Variants in DCLK2 observed in about 807,000 individuals in gnomAD.
DCLK2 encodes doublecortin like kinase 2, also known as serine/threonine-protein kinase DCLK2.
DCLK2 carries 31 observed loss-of-function variants against 78.4 expected under a neutral mutation model. The observed-to-expected ratio is 0.40, with a 90% CI of 0.30 to 0.53. DCLK2 has a LOEUF of 0.53. DCLK2 is among the 20% of genes least tolerant of loss of function. The pLI is 0.61. For synonymous variants in DCLK2, 407 were observed against 374.9 expected, an observed-to-expected ratio of 1.09 and a Z score of -0.99; for missense variants, 872 against 973.7, an observed-to-expected ratio of 0.90 and a Z score of 1.39.
At position 150,102,514 on chromosome 4, in the gene DCLK2, G is replaced by A. The variant is rs766290066; in HGVS notation, c.458G>A (p.Arg153His). The A allele has an allele frequency of 1.1e-5, 17 of 1,613,828 alleles. No individual in the cohort carries two copies. The highest frequency in any genetic ancestry group is 2.7e-5 in the African/African-American group (2 of 74,894). The change falls in exon 2 of 16, where the codon CGT (arginine) becomes CAT (histidine). Residue 153 changes from arginine to histidine, a missense_variant. Coordinates refer to ENST00000296550, the MANE Select transcript of DCLK2 (RefSeq NM_001040260.4). ...GTGTGTGCATCCAATGAACCATTTCGTAAAGTCGATTACACCAAAAATATT... is the reference window on the plus strand; with the variant it reads ...GTGTGTGCATCCAATGAACCATTTCATAAAGTCGATTACACCAAAAATATT... The part of the protein sequence containing the change: ...SYVCASNEPF[R>H]KVDYTKNINP...
intron 8 of DCLK2, among the ~76,000 whole-genome samples, chr4:150,231,405 G>T (rs1265582477): frequency 6.6e-6 from 1 of 152,204 alleles, no homozygotes; most frequent in Non-Finnish European, 1.5e-5. Flanking sequence ...GCTTGAAACA[G>T]ATTTTTCTCC....
At chr4:150,199,160 C>A in intron 4 of DCLK2, 1 of 1,279,612 alleles carries the variant, frequency 7.8e-7, no homozygotes, top group Non-Finnish European at 1.1e-6. Flanking sequence ...CCTTTTGCTC[C>A]ATTTCCATGA....
intron 15 of DCLK2, chr4:150,253,878 C>T (rs1288235720): frequency 1.0e-6 from 1 of 985,322 alleles, no homozygotes; most frequent in Non-Finnish European, 1.2e-6. Flanking sequence ...AAGATGGTGC[C>T]TTCGTGAAGG....
At chr4:150,102,265 A>G (rs1730941249) in intron 1 of DCLK2, among the ~76,000 whole-genome samples, 1 of 152,186 alleles carries the variant, frequency 6.6e-6, no homozygotes, top group Non-Finnish European at 1.5e-5. Context: ...AGTGCTTCTC[A>G]CCCTGTAATC....
intron 2 of DCLK2, among the ~76,000 whole-genome samples, chr4:150,156,517 A>AATAG (rs1207359374): frequency 1.3e-5 from 2 of 151,196 alleles, no homozygotes; most frequent in Non-Finnish European, 2.9e-5. Context: ...TAAATAAATA[A>AATAG]ATAAATAGCC....
chr4:150,109,057 T>C (rs1213204209), intron 2 of DCLK2, among the ~76,000 whole-genome samples: 1 of 152,208 alleles, frequency 6.6e-6, no homozygotes, highest in African/African-American at 2.4e-5. Flanking sequence ...TTAAAAAGTT[T>C]AGCTATTTCA....
rs75408841 is a variant in DCLK2, at chr4:150,201,731, G to A, written c.962-2064G>A. On this transcript the variant is annotated intron_variant, in intron 4 of 15. Transcript: ENST00000296550. ...CTATCAGTGTGGGATTGGAATACCAGTGAACTCTAACAGTGCTTACTGATT... is the reference window on the plus strand; with the variant it reads ...CTATCAGTGTGGGATTGGAATACCAATGAACTCTAACAGTGCTTACTGATT... Among the ~76,000 whole-genome samples the A allele has an allele frequency of 3.4e-3, 521 of 152,118 alleles. 2 individuals are homozygous for A. The highest frequency in any genetic ancestry group is 0.012 in the African/African-American group (490 of 41,480).
At chr4:150,204,479 T>C (rs1739691507) in intron 5 of DCLK2, among the ~76,000 whole-genome samples, 1 of 152,204 alleles carries the variant, frequency 6.6e-6, no homozygotes, top group Non-Finnish European at 1.5e-5. Context: ...CTAATAGAGA[T>C]GAGCAAAACC....
rs1212982996 is a variant in DCLK2, at chr4:150,085,301, G to A, written c.421+5853G>A. ...TGCTATAACAGAATACCACAGACTA[G>A]GTAAGTTATAAAGAAAATTTATTTT... On this transcript the variant is annotated intron_variant, in intron 1 of 15. Coordinates refer to ENST00000296550, the MANE Select transcript of DCLK2 (RefSeq NM_001040260.4). 5.3e-5 allele frequency among the ~76,000 whole-genome samples: 8 copies of A among 152,084 alleles called. No individual in the cohort carries two copies. In the East Asian group the frequency reaches 1.5e-3, roughly 29 times the overall value.
chr4:150,080,111 G>GACCCC (rs1729138253), intron 1 of DCLK2, among the ~76,000 whole-genome samples: 1 of 129,552 alleles, frequency 7.7e-6, no homozygotes. Context: ...AGTCTCAAAA[G>GACCCC]CCCCCCCCCC....
chr4:150,207,724 A>G (rs1267072901), intron 5 of DCLK2, among the ~76,000 whole-genome samples: 3 of 152,214 alleles, frequency 2.0e-5, no homozygotes, highest in African/African-American at 7.2e-5. Flanking sequence ...CCTTAAACTG[A>G]GAGACTTTAG....
chr4:150,093,766 A>C (rs1580485778), intron 1 of DCLK2, among the ~76,000 whole-genome samples: 1 of 152,234 alleles, frequency 6.6e-6, no homozygotes, highest in East Asian at 1.9e-4. Flanking sequence ...AATCTTGAGA[A>C]AAAAGAACAA....
chr4:150,235,745 A>C (rs1002147075), intron 10 of DCLK2, among the ~76,000 whole-genome samples: 2 of 152,244 alleles, frequency 1.3e-5, no homozygotes, highest in African/African-American at 4.8e-5. Flanking sequence ...CCATTGAGAT[A>C]CTAAAAGTAA....
intron 10 of DCLK2, among the ~76,000 whole-genome samples, chr4:150,235,187 C>T (rs927488856): frequency 3.3e-5 from 5 of 152,122 alleles, no homozygotes; most frequent in African/African-American, 7.2e-5. Flanking sequence ...GTGAGCTTCC[C>T]TATAAACCAG....
intron 2 of DCLK2, among the ~76,000 whole-genome samples, chr4:150,118,092 G>A (rs987149137): frequency 6.6e-6 from 1 of 152,014 alleles, no homozygotes; most frequent in Non-Finnish European, 1.5e-5. Flanking sequence ...GTGTGATTCT[G>A]GACCCTACAC....
At chr4:150,242,831 T>G (rs1012917430) in intron 12 of DCLK2, among the ~76,000 whole-genome samples, 1 of 152,108 alleles carries the variant, frequency 6.6e-6, no homozygotes, top group South Asian at 2.1e-4. Context: ...GCTAAGTATA[T>G]AGTGGGAAGG....
At chr4:150,133,686 A>G (rs1321223524) in intron 2 of DCLK2, among the ~76,000 whole-genome samples, 5 of 152,250 alleles carry the variant, frequency 3.3e-5, no homozygotes, top group Non-Finnish European at 7.3e-5. Context: ...TCTCTCTGAT[A>G]AGAGAATGTG....
At chr4:150,216,168 CT>C (rs1560877965) in intron 5 of DCLK2, among the ~76,000 whole-genome samples, 4 of 152,162 alleles carry the variant, frequency 2.6e-5, no homozygotes, top group African/African-American at 9.7e-5. Flanking sequence ...TTTTGGTAAT[CT>C]GCTTATCAAA....
chr4:150,124,424 A>AG lies in DCLK2; in HGVS notation c.756+21613dup, dbSNP rs553999302. On this transcript the variant is annotated intron_variant, in intron 2 of 15. Coordinates refer to ENST00000296550, the MANE Select transcript of DCLK2 (RefSeq NM_001040260.4). ...TTATATTTGAAAATATTGTTCTTTT[A>AG]GTTTGCCCACATTCTAAGTCATTAA... 7.7e-3 allele frequency among the ~76,000 whole-genome samples: 1,168 copies of AG among 152,280 alleles called. 4 individuals are homozygous for AG. Among genetic ancestry groups the AG allele is most frequent in the South Asian group, 0.016 (76 of 4,834 alleles).
Sources: allele counts gnomAD v4.1 joint callset (sites outside exome capture counted in the v4.1 genomes callset), GRCh38; gene constraint gnomAD v4.1.1; transcripts MANE v1.5; gene names NCBI Gene and HGNC (gene_info 2026-07-23, HGNC 2026-07-21).